NXPE4: variants seen among roughly 807,000 people sequenced by gnomAD.
NXPE4 encodes NXPE family member 4.
In NXPE4, 42 loss-of-function variants were observed where a neutral mutation model predicts 33.3. The observed-to-expected ratio is 1.26, with a 90% CI of 0.98 to 1.63. The LOEUF (loss-of-function observed/expected upper bound fraction) is 1.63, where lower values mean the gene tolerates loss of function less well. Ranked by LOEUF, NXPE4 falls within the 40% of genes most tolerant of loss-of-function variation. The probability of loss-of-function intolerance (pLI) is 0.00; values close to 1 mark genes in which losing one functional copy is unlikely to be tolerated. For missense variants in NXPE4, 709 were observed against 647.6 expected (o/e 1.09, Z -1.03); for synonymous variants, 253 against 234.9 (o/e 1.08, Z -0.71).
At chr11:114,586,080 C>G (rs1438601664) in intron 2 of NXPE4, among the ~76,000 whole-genome samples, 3 of 152,198 alleles carry the variant, frequency 2.0e-5, no homozygotes, top group African/African-American at 4.8e-5. Flanking sequence ...GCAAATGTTA[C>G]ACCTGGGGTG....
In NXPE4 at chr11:114,582,524, G is replaced by A; in HGVS notation, c.594C>T (p.Gly198=). ...GGCCAGTGAAGATCACCCTGTCATA[G>A]CCTTGGTTCCTTGCACTCCAGAGAG... ...VSALWSARNQ[G]YDRVIFTGQF... The change falls in exon 3 of 6, where the codon GGC becomes GGT. Residue 198 remains glycine, a synonymous_variant. Transcript: ENST00000375478. 4 of 1,614,146 alleles carry A rather than the reference G, an allele frequency of 2.5e-6. No individual in the cohort carries two copies. The highest frequency in any genetic ancestry group is 3.4e-6 in the Non-Finnish European group (4 of 1,179,992).
the NXPE4 span, among the ~76,000 whole-genome samples, chr11:114,600,961 G>A: frequency 6.6e-6 from 1 of 151,848 alleles, no homozygotes; most frequent in African/African-American, 2.4e-5. Context: ...TCCACATATC[G>A]TATACCAAAT....
the NXPE4 span, among the ~76,000 whole-genome samples, chr11:114,655,439 A>C: frequency 2.6e-5 from 4 of 152,162 alleles, no homozygotes; most frequent in African/African-American, 9.7e-5. Flanking sequence ...GTTTTCTTCT[A>C]GGGTTTTTAT....
chr11:114,572,182 C>T (rs944823538), intron 5 of NXPE4, among the ~76,000 whole-genome samples: 1 of 152,138 alleles, frequency 6.6e-6, no homozygotes, highest in African/African-American at 2.4e-5. Context: ...TAAACCACAT[C>T]AAGGGAGCAC....
the NXPE4 span, among the ~76,000 whole-genome samples, chr11:114,664,756 C>T: frequency 5.9e-5 from 9 of 152,116 alleles, no homozygotes; most frequent in Non-Finnish European, 8.8e-5. Flanking sequence ...GATCTGTTCC[C>T]CTAGCAATAT....
At chr11:114,658,866 A>G in the NXPE4 span, among the ~76,000 whole-genome samples, 28,923 of 152,156 alleles carry the variant, frequency 0.19, 2,915 homozygotes, top group Middle Eastern at 0.27. Flanking sequence ...AATCTCACTC[A>G]TTCTCCCAGT....
At chr11:114,584,503 A>G in intron 2 of NXPE4, 1 of 181,338 alleles carries the variant, frequency 5.5e-6, no homozygotes, top group Non-Finnish European at 1.2e-5. Context: ...ATTACCTGTG[A>G]GGAAGAGTTC....
the NXPE4 span, among the ~76,000 whole-genome samples, chr11:114,640,581 T>G: frequency 6.6e-6 from 1 of 151,918 alleles, no homozygotes; most frequent in Non-Finnish European, 1.5e-5. Context: ...CCACAATGCA[T>G]AAGTGTTCCC....
the NXPE4 span, among the ~76,000 whole-genome samples, chr11:114,634,506 G>A: frequency 6.6e-6 from 1 of 152,036 alleles, no homozygotes; most frequent in Non-Finnish European, 1.5e-5. Flanking sequence ...TGTTGCTATT[G>A]CTTTTGGTGT....
At chr11:114,580,066 C>T (rs1044803144) in intron 5 of NXPE4, 66 bp downstream of exon 5, 4 of 1,325,666 alleles carry the variant, frequency 3.0e-6, no homozygotes, top group Non-Finnish European at 4.3e-6. Context: ...ATATTCCCTT[C>T]TCCCCTTTGA....
At chr11:114,629,515 A>G in the NXPE4 span, among the ~76,000 whole-genome samples, 2 of 150,848 alleles carry the variant, frequency 1.3e-5, no homozygotes, top group African/African-American at 4.9e-5. Flanking sequence ...TTGATGGGAC[A>G]TATCTCAAAA....
Position 114,571,223 on chromosome 11 carries a change from C to A in NXPE4, c.1350G>T (p.Arg450Ser). The A allele has an allele frequency of 1.2e-6, 2 of 1,613,940 alleles. No homozygotes were observed. The highest frequency in any genetic ancestry group is 2.2e-5 in the East Asian group (1 of 44,870). Reference sequence around the variant, plus strand: ...GAATGGCTTTGTGGACATTGAGGGCCCTTCGGATAAAAACATCAATGGGAA... The same window carrying A: ...GAATGGCTTTGTGGACATTGAGGGCACTTCGGATAAAAACATCAATGGGAA... ...RPFPIDVFIRRALNVHKAIQH... is the reference protein window; with the variant it reads ...RPFPIDVFIRSALNVHKAIQH... The change falls in exon 6 of 6, where the codon AGG (arginine) becomes AGT (serine). Residue 450 changes from arginine (R) to serine (S), a missense_variant. Physicochemically the swap from Arg to Ser is moderately radical, Grantham distance 110. Transcript: ENST00000375478.
chr11:114,628,246 C>A, the NXPE4 span, among the ~76,000 whole-genome samples: 1 of 147,820 alleles, frequency 6.8e-6, no homozygotes, highest in Admixed American at 6.8e-5. Flanking sequence ...CACACCTATT[C>A]CAAAATTGAC....
the NXPE4 span, among the ~76,000 whole-genome samples, chr11:114,628,582 T>C: frequency 4.7e-5 from 7 of 148,998 alleles, no homozygotes; most frequent in African/African-American, 7.5e-5. Flanking sequence ...AGATCCAAAA[T>C]TGACACCCTA....
chr11:114,652,297 A>G, the NXPE4 span, among the ~76,000 whole-genome samples: 1 of 152,236 alleles, frequency 6.6e-6, no homozygotes, highest in East Asian at 1.9e-4. Context: ...CCCTTAAGGC[A>G]TCCTGTTCCT....
At chr11:114,643,180 C>T in the NXPE4 span, among the ~76,000 whole-genome samples, 3 of 152,116 alleles carry the variant, frequency 2.0e-5, no homozygotes, top group East Asian at 1.9e-4. Flanking sequence ...GGATAGATTG[C>T]AAAAATTTTC....
chr11:114,654,889 T>A, the NXPE4 span, among the ~76,000 whole-genome samples: 1 of 152,224 alleles, frequency 6.6e-6, no homozygotes, highest in East Asian at 1.9e-4. Flanking sequence ...CCTTGAGGAA[T>A]CGCTATACTG....
At chr11:114,657,041 C>G in the NXPE4 span, among the ~76,000 whole-genome samples, 1 of 152,174 alleles carries the variant, frequency 6.6e-6, no homozygotes, top group Admixed American at 6.5e-5. Context: ...TTGCAGTGAG[C>G]TGAGATTGCG....
chr11:114,606,739 G>T, the NXPE4 span, among the ~76,000 whole-genome samples: 2 of 151,692 alleles, frequency 1.3e-5, no homozygotes, highest in Admixed American at 1.3e-4. Flanking sequence ...ACTGCTACCT[G>T]CTGGATAATA....
Sources: allele counts gnomAD v4.1 joint callset (sites outside exome capture counted in the v4.1 genomes callset), GRCh38; gene constraint gnomAD v4.1.1; transcripts MANE v1.5; gene names NCBI Gene and HGNC (gene_info 2026-07-23, HGNC 2026-07-21).